Variants in CENPK observed in about 807,000 individuals in gnomAD.
CENPK encodes the protein SoxLZ/Sox6-binding protein Solt.
Under a neutral mutation model 40.9 loss-of-function variants are expected in CENPK, and 46 were observed. That is an observed-to-expected ratio of 1.13 (90% CI 0.89 to 1.44). The LOEUF (loss-of-function observed/expected upper bound fraction) is 1.44. CENPK is among the 40% of genes most tolerant of loss of function. The pLI is 0.00. For synonymous variants in CENPK, 107 were observed against 104.4 expected, an observed-to-expected ratio of 1.02 and a Z score of -0.15; for missense variants, 288 against 303.5, an observed-to-expected ratio of 0.95 and a Z score of 0.38.
chr5:65,534,854 C>T (rs1746589668), intron 6 of CENPK, among the ~76,000 whole-genome samples: 1 of 152,096 alleles, frequency 6.6e-6, no homozygotes, highest in Non-Finnish European at 1.5e-5. Flanking sequence ...TGAGCTCAGA[C>T]CTTAATAGAA....
At chr5:65,508,128 G>A in the CENPK span, among the ~76,000 whole-genome samples, 3 of 152,098 alleles carry the variant, frequency 2.0e-5, no homozygotes, top group African/African-American at 4.8e-5. Flanking sequence ...CCACTATAAA[G>A]GTACTATATT....
intron 6 of CENPK, chr5:65,541,436 T>C (rs1277008930): frequency 6.6e-6 from 3 of 456,184 alleles, no homozygotes; most frequent in Middle Eastern, 3.2e-4. Context: ...ATCTGCAGAA[T>C]CTGCCAAAGA....
intron 6 of CENPK, among the ~76,000 whole-genome samples, chr5:65,539,064 C>T (rs1747477272): frequency 6.6e-6 from 1 of 152,208 alleles, no homozygotes; most frequent in Non-Finnish European, 1.5e-5. Flanking sequence ...TTTCTGTTTG[C>T]TTCCATCTTC....
intron 2 of CENPK, among the ~76,000 whole-genome samples, chr5:65,559,938 T>C (rs1751677793): frequency 6.6e-6 from 1 of 151,940 alleles, no homozygotes; most frequent in African/African-American, 2.4e-5. Context: ...TCCATATAAA[T>C]CTTCCTCATT....
chr5:65,497,053 G>A, the CENPK span, among the ~76,000 whole-genome samples: 12 of 148,862 alleles, frequency 8.1e-5, no homozygotes, highest in East Asian at 8.1e-4. Context: ...GTGAGACTCC[G>A]TCTCCAAAAA....
downstream of CENPK, among the ~76,000 whole-genome samples, chr5:65,514,832 T>C (rs1298737199): frequency 2.0e-5 from 3 of 152,230 alleles, no homozygotes; most frequent in South Asian, 6.2e-4. Flanking sequence ...TTATCAAATT[T>C]GTACACTCAA....
At chr5:65,508,534 C>T in the CENPK span, among the ~76,000 whole-genome samples, 1 of 152,118 alleles carries the variant, frequency 6.6e-6, no homozygotes, top group African/African-American at 2.4e-5. Context: ...CCTGTAAGCC[C>T]AGCACTTTGA....
Position 65,521,495 on chromosome 5 carries a change from T to A in CENPK, c.631A>T (p.Thr211Ser). ...NIQESSVNLI[T>S]LHEMLEILIN... is the part of the protein sequence containing the mutation. ...CTTACCTCTAACATTTCATGCAGTG[T>A]TATCAGGTTTACAGATGATTCTTGA... The change falls in exon 10 of 11, where the codon ACA (threonine) becomes TCA (serine). Residue 211 changes from threonine to serine, a missense_variant. Physicochemically the swap from Thr to Ser is moderately conservative, Grantham distance 58. Transcript: ENST00000396679. The A allele has an allele frequency of 6.2e-7, 1 of 1,610,026 alleles. No individual in the cohort carries two copies. The highest frequency in any genetic ancestry group is 8.5e-7 in the Non-Finnish European group (1 of 1,177,344).
intron 5 of CENPK, among the ~76,000 whole-genome samples, chr5:65,545,360 A>G (rs1231323295): frequency 8.2e-6 from 1 of 122,682 alleles, no homozygotes; most frequent in Non-Finnish European, 1.8e-5. Flanking sequence ...ACACACACAC[A>G]CACACACACA....
intron 6 of CENPK, among the ~76,000 whole-genome samples, chr5:65,536,163 C>T (rs1746858649): frequency 6.6e-6 from 1 of 152,166 alleles, no homozygotes. Flanking sequence ...GATGCTGGCA[C>T]TGCATCAAGT....
At position 65,528,537 on chromosome 5, in the gene CENPK, T is replaced by C. The variant is rs758865586; in HGVS notation, c.512A>G (p.Glu171Gly). The part of the protein sequence containing the change: ...ELKTKMLNIK[E>G]YKEKLLSTLG... ...GGTACTCAAGAGTTTCTCCTTATATTCTTTTATATTAAGCATTTTAGTTTT... is the reference window on the plus strand; with the variant it reads ...GGTACTCAAGAGTTTCTCCTTATATCCTTTTATATTAAGCATTTTAGTTTT... The change falls in exon 9 of 11, where the codon GAA becomes GGA. Residue 171 changes from glutamate (E) to glycine (G), a missense_variant. Glu to Gly is a moderately conservative substitution (Grantham distance 98). Coordinates refer to ENST00000396679, the MANE Select transcript of CENPK (RefSeq NM_022145.5). 1.9e-6 allele frequency: 3 copies of C among 1,587,774 alleles called. No individual in the cohort carries two copies. The highest frequency in any genetic ancestry group is 2.6e-6 in the Non-Finnish European group (3 of 1,171,554).
At chr5:65,551,020 T>A (rs143507121) in intron 5 of CENPK, 1 of 170,428 alleles carries the variant, frequency 5.9e-6, no homozygotes, top group African/African-American at 2.4e-5. Context: ...GGCAGGAGGA[T>A]CCCTTGAGCC....
chr5:65,530,007 A>G (rs964748187), intron 6 of CENPK, among the ~76,000 whole-genome samples: 10 of 138,606 alleles, frequency 7.2e-5, no homozygotes, highest in Non-Finnish European at 1.4e-4. Flanking sequence ...GTTTCACCAT[A>G]TTGGCCAGGC....
chr5:65,545,520 G>A (rs1167024010), intron 5 of CENPK, among the ~76,000 whole-genome samples: 3 of 151,972 alleles, frequency 2.0e-5, no homozygotes, highest in Non-Finnish European at 4.4e-5. Flanking sequence ...ATATCCTTCA[G>A]GAATGAAAGA....
At chr5:65,537,968 T>C in intron 6 of CENPK, among the ~76,000 whole-genome samples, 1 of 152,222 alleles carries the variant, frequency 6.6e-6, no homozygotes, top group Non-Finnish European at 1.5e-5. Context: ...AGAGTTACTC[T>C]TTTACCTTTT....
intron 5 of CENPK, among the ~76,000 whole-genome samples, chr5:65,546,313 T>C (rs909712481): frequency 6.7e-5 from 10 of 149,748 alleles, no homozygotes; most frequent in African/African-American, 1.7e-4. Flanking sequence ...GCTGTTCTAA[T>C]TTTAACAAAT....
chr5:65,553,592 C>T (rs533050298), intron 3 of CENPK, among the ~76,000 whole-genome samples: 26 of 152,212 alleles, frequency 1.7e-4, no homozygotes, highest in African/African-American at 6.3e-4. Flanking sequence ...ATGTGTTCTT[C>T]CCACTTCTAT....
At chr5:65,506,880 T>C in the CENPK span, among the ~76,000 whole-genome samples, 267 of 152,298 alleles carry the variant, frequency 1.8e-3, 1 homozygote, top group African/African-American at 6.1e-3. Flanking sequence ...ATAAAACTAA[T>C]TTTATCAAGA....
chr5:65,501,216 G>T, the CENPK span, among the ~76,000 whole-genome samples: 1 of 118,954 alleles, frequency 8.4e-6, no homozygotes, highest in Non-Finnish European at 1.6e-5. Context: ...GTCTCGCTCT[G>T]TCATCCAAGC....
Sources: allele counts gnomAD v4.1 joint callset (sites outside exome capture counted in the v4.1 genomes callset), GRCh38; gene constraint gnomAD v4.1.1; transcripts MANE v1.5; gene names NCBI Gene and HGNC (gene_info 2026-07-23, HGNC 2026-07-21).